FBXO22: variants seen among roughly 807,000 people sequenced by gnomAD.
FBXO22 encodes the protein F-box only protein 22.
Under a neutral mutation model 37.2 loss-of-function variants are expected in FBXO22, and 13 were observed. The observed-to-expected ratio is 0.35, with a 90% CI of 0.23 to 0.56. FBXO22 has a LOEUF of 0.56. Ranked by LOEUF, FBXO22 falls within the 20% of genes least tolerant of loss-of-function variation. The pLI is 0.87. For missense variants in FBXO22, 446 were observed against 509.9 expected (o/e 0.87, Z 1.21); for synonymous variants, 189 against 189.1 (o/e 1.00, Z 0.00).
At chr15:75,930,421 T>C in intron 6 of FBXO22, 1 of 1,070,352 alleles carries the variant, frequency 9.3e-7, no homozygotes, top group Admixed American at 4.8e-5. Context: ...GCAAAACTTC[T>C]CAGAGCTTCT....
chr15:75,904,863 GC>G (rs1246182543), intron 2 of FBXO22, among the ~76,000 whole-genome samples: 1 of 140,760 alleles, frequency 7.1e-6, no homozygotes, highest in Non-Finnish European at 1.5e-5. Flanking sequence ...TCGCTCTGTG[GC>G]CCAGGCTGGA....
intron 6 of FBXO22, chr15:75,930,661 T>G: frequency 1.0e-6 from 1 of 985,510 alleles, no homozygotes; most frequent in Non-Finnish European, 1.2e-6. Context: ...TCTTCTGTCT[T>G]GGGAGCCATT....
In FBXO22 at chr15:75,938,710, G is replaced by GA. The variant is rs1414758199; in HGVS notation, c.*5611dup. 6.6e-6 allele frequency: 1 copy of GA among 152,092 alleles called. No homozygotes were observed. The highest frequency in any genetic ancestry group is 1.5e-5 in the Non-Finnish European group (1 of 68,000). 9.4% of individuals were successfully genotyped at this position (152,092 alleles called of 1,614,324 possible). ...ACTTGAGATGGGATCACTGAAAGCA[G>GA]AAACAACAAATCAAGCCTACATAGT... is the stretch of plus-strand genomic sequence containing the variant. On this transcript the variant is annotated 3_prime_UTR_variant, in exon 7 of 7. Transcript: ENST00000308275.
chr15:75,929,309 C>A (rs115167722), intron 5 of FBXO22, among the ~76,000 whole-genome samples: 12 of 146,850 alleles, frequency 8.2e-5, no homozygotes, highest in Non-Finnish European at 7.5e-5. Flanking sequence ...CCATCTCTAC[C>A]AAAAAAAAAA....
intron 2 of FBXO22, among the ~76,000 whole-genome samples, chr15:75,912,319 G>C (rs556876378): frequency 5.8e-4 from 88 of 152,160 alleles, no homozygotes; most frequent in Non-Finnish European, 1.1e-3. Flanking sequence ...TTTTTCTGTT[G>C]TTTGGAATAG....
At chr15:75,910,061 C>G (rs1900019736) in intron 2 of FBXO22, among the ~76,000 whole-genome samples, 1 of 152,152 alleles carries the variant, frequency 6.6e-6, no homozygotes, top group Non-Finnish European at 1.5e-5. Flanking sequence ...ATGATGGTTT[C>G]CAGCTTCATC....
At chr15:75,917,138 C>A in intron 4 of FBXO22, 92 bp from the exon 5 acceptor site, 2 of 876,866 alleles carry the variant, frequency 2.3e-6, no homozygotes, top group Non-Finnish European at 3.5e-6. Context: ...CAGATAGTGG[C>A]TTGTTAGCTT....
intron 4 of FBXO22, among the ~76,000 whole-genome samples, chr15:75,916,907 C>T (rs973068425): frequency 4.6e-5 from 7 of 152,004 alleles, no homozygotes; most frequent in Admixed American, 3.9e-4. Context: ...ACTACCCCCC[C>T]AACTTTTTAA....
In FBXO22 at chr15:75,942,341, T is replaced by A. The variant is rs2141753484; in HGVS notation, c.*9239T>A. ...TAGCCTGGATGACAGAGTGAGACTT[T>A]GTCTCAAAAAGTAAAGTAAAAATGT... is the stretch of plus-strand genomic sequence containing the variant. On this transcript the variant is annotated 3_prime_UTR_variant, in exon 7 of 7. Coordinates refer to ENST00000308275, the MANE Select transcript of FBXO22 (RefSeq NM_147188.3). 6.6e-6 allele frequency: 1 copy of A among 152,002 alleles called. No homozygotes were observed. Among genetic ancestry groups the A allele is most frequent in the East Asian group, 1.9e-4 (1 of 5,168 alleles). The allele number at this position is 152,002 out of a possible 1,614,324, so 9.4% of individuals were successfully genotyped here. A position where few individuals can be genotyped will look rare whatever the true frequency, so the allele number is the denominator to read the frequency against.
intron 4 of FBXO22, among the ~76,000 whole-genome samples, chr15:75,916,414 C>T (rs1251783040): frequency 6.6e-6 from 1 of 152,148 alleles, no homozygotes. Context: ...TCACTGTGTT[C>T]TCATGTGGCC....
intron 2 of FBXO22, chr15:75,910,206 T>C (rs1247462325): frequency 3.3e-5 from 5 of 152,224 alleles, no homozygotes; most frequent in Admixed American, 2.0e-4. Flanking sequence ...TTTGCTATTG[T>C]GAATAGTGCT....
rs1321401647 is a variant in FBXO22, at chr15:75,933,708, C to T, written c.*606C>T. On this transcript the variant is annotated 3_prime_UTR_variant, in exon 7 of 7. Transcript: ENST00000308275. ...ATTTTATTATAAGTAAAAGATTTTT[C>T]TTCTTTCCTTAAAAATATTTTTTTT... 1 of 293,868 alleles carries T rather than the reference C, an allele frequency of 3.4e-6. No homozygotes were observed. Among genetic ancestry groups the T allele is most frequent in the African/African-American group, 2.3e-5 (1 of 43,388 alleles). 18.2% of individuals were successfully genotyped at this position (293,868 alleles called of 1,614,324 possible).
At chr15:75,924,114 A>T (rs10152926) in intron 5 of FBXO22, among the ~76,000 whole-genome samples, 3,258 of 152,270 alleles carry the variant, frequency 0.021, 137 homozygotes, top group African/African-American at 0.075. Flanking sequence ...ACAGTTGGAT[A>T]TGTTGGCCTG....
At position 75,935,879 on chromosome 15, in the gene FBXO22, C is replaced by G. The variant is rs569138949; in HGVS notation, c.*2777C>G. On this transcript the variant is annotated 3_prime_UTR_variant, in exon 7 of 7. Transcript: ENST00000308275. ...CTTGGCTCACTGCAAGCTCCGCCTC[C>G]CAGGTTCACGCCATTCTCCTGCCTC... is the stretch of plus-strand genomic sequence containing the variant. 2.0e-4 allele frequency: 31 copies of G among 152,142 alleles called. No individual in the cohort carries two copies. Among genetic ancestry groups the G allele is most frequent in the African/African-American group, 6.3e-4 (26 of 41,480 alleles). 9.4% of individuals were successfully genotyped at this position (152,142 alleles called of 1,614,324 possible).
rs1157320013 is a variant in FBXO22 at position 75,936,699 on chromosome 15, C to T, written c.*3597C>T. 6.6e-6 allele frequency: 1 copy of T among 152,208 alleles called. No homozygotes were observed. Among genetic ancestry groups the T allele is most frequent in the Non-Finnish European group, 1.5e-5 (1 of 68,106 alleles). 9.4% of individuals were successfully genotyped at this position (152,208 alleles called of 1,614,324 possible). A position where few individuals can be genotyped will look rare whatever the true frequency, so the allele number is the denominator to read the frequency against. ...AAGTGATTCTGCTGCCTCAGCCTCC[C>T]TAGTAGCTGGGATTACAGGCATGCG... is the stretch of plus-strand genomic sequence containing the variant. On this transcript the variant is annotated 3_prime_UTR_variant, in exon 7 of 7. Transcript: ENST00000308275.
Position 75,938,041 on chromosome 15 carries a change from C to T in FBXO22, c.*4939C>T, listed in dbSNP as rs921949519. 4 of 152,210 alleles carry T rather than the reference C, an allele frequency of 2.6e-5. No individual in the cohort carries two copies. Among genetic ancestry groups the T allele is most frequent in the African/African-American group, 7.2e-5 (3 of 41,442 alleles). The allele number at this position is 152,210 out of a possible 1,614,324, so 9.4% of individuals were successfully genotyped here. A position where few individuals can be genotyped will look rare whatever the true frequency, so the allele number is the denominator to read the frequency against. On this transcript the variant is annotated 3_prime_UTR_variant, in exon 7 of 7. Coordinates refer to ENST00000308275, the MANE Select transcript of FBXO22 (RefSeq NM_147188.3). ...CACTTGCCCGGAAAGTTCTAAGACC[C>T]AAGCTTTCACCTTGGTCTGGTCCCT...
intron 3 of FBXO22, 21 bp downstream of exon 3, chr15:75,913,311 T>A (rs925757715): frequency 6.5e-7 from 1 of 1,533,422 alleles, no homozygotes. Flanking sequence ...AAAGAAAAGC[T>A]TTTGCTTCTG....
chr15:75,937,210 CATT>C lies in FBXO22; in HGVS notation c.*4110_*4112del, dbSNP rs1166663801. On this transcript the variant is annotated 3_prime_UTR_variant, in exon 7 of 7. Transcript: ENST00000308275. ...GCAAGCTTTTGTTTGCCTATCAAAA[CATT>C]AAAAAAAAAAAAGAGGCCGGGCGTG... 4.1e-5 allele frequency: 6 copies of C among 146,726 alleles called. No homozygotes were observed. The South Asian group carries it at 6.7e-4, about 16-fold the overall frequency. The allele number at this position is 146,726 out of a possible 1,614,324, so 9.1% of individuals were successfully genotyped here. A position where few individuals can be genotyped will look rare whatever the true frequency, so the allele number is the denominator to read the frequency against.
In FBXO22 at chr15:75,941,988, T is replaced by TA. The variant is rs36050326; in HGVS notation, c.*8891dup. 4.2e-4 allele frequency: 61 copies of TA among 146,690 alleles called. No homozygotes were observed. The highest frequency in any genetic ancestry group is 1.2e-3 in the African/African-American group (49 of 39,838). The allele number at this position is 146,690 out of a possible 1,614,324, so 9.1% of individuals were successfully genotyped here. On this transcript the variant is annotated 3_prime_UTR_variant, in exon 7 of 7. Coordinates refer to ENST00000308275, the MANE Select transcript of FBXO22 (RefSeq NM_147188.3). ...ATGGCCTAGCTTTTTTTTTTTTTTT[T>TA]AAAAAGGGCAGGGGGTGGGGTATTT...
Sources: gnomAD v4.1 joint callset for allele counts (sites outside exome capture counted in the v4.1 genomes callset) on GRCh38, gnomAD v4.1.1 for gene constraint, MANE v1.5 for transcripts, NCBI Gene and HGNC (gene_info 2026-07-23, HGNC 2026-07-21) for gene names.